MKNK1: variants seen among roughly 807,000 people sequenced by gnomAD.
MKNK1 encodes MAPK interacting serine/threonine kinase 1.
Under a neutral mutation model 49.3 loss-of-function variants are expected in MKNK1, and 30 were observed. That is an observed-to-expected ratio of 0.61 (90% confidence interval 0.46 to 0.83). The LOEUF (loss-of-function observed/expected upper bound fraction) is 0.83, where lower values mean the gene tolerates loss of function less well. Ranked by LOEUF, MKNK1 falls within the 40% of genes least tolerant of loss-of-function variation. MKNK1 has a pLI of 0.00. For synonymous variants in MKNK1, 176 were observed against 201.7 expected (o/e 0.87, Z 1.08); for missense variants, 423 against 524.7 (o/e 0.81, Z 1.89).
chr1:46,561,591 C>T lies in MKNK1; in HGVS notation c.856G>A (p.Asp286Asn). ...QEGKYEFPDK[D>N]WAHISSEAKD... Reference sequence around the variant, plus strand: ...GCTTCACTGGAGATGTGTGCCCAGTCCTTGTCAGGAAACTCATACTTGCCT... The same window carrying T: ...GCTTCACTGGAGATGTGTGCCCAGTTCTTGTCAGGAAACTCATACTTGCCT... Residue 286 changes from aspartate (D) to asparagine (N), a missense_variant, in exon 11 of 13, where the codon GAC (aspartate) becomes AAC (asparagine). By Grantham distance (23) the Asp-to-Asn change is conservative. Transcript: ENST00000371945. 6.2e-7 allele frequency: 1 copy of T among 1,614,178 alleles called. No homozygotes were observed. The highest frequency in any genetic ancestry group is 8.5e-7 in the Non-Finnish European group (1 of 1,180,004).
chr1:46,586,927 C>T (rs755286440), intron 2 of MKNK1, among the ~76,000 whole-genome samples: 17 of 152,208 alleles, frequency 1.1e-4, no homozygotes, highest in Non-Finnish European at 2.4e-4. Context: ...CCTGCCTCAG[C>T]CTCCAGAGTA....
chr1:46,595,028 T>C (rs1162588812), intron 1 of MKNK1: 5 of 180,086 alleles, frequency 2.8e-5, no homozygotes, highest in African/African-American at 1.2e-4. Flanking sequence ...CTCTCTCTCT[T>C]AGTGGCCAAG....
chr1:46,592,985 G>T lies in MKNK1; in HGVS notation c.-3+1128C>A, dbSNP rs573810766. 5.3e-4 allele frequency among the ~76,000 whole-genome samples: 80 copies of T among 152,112 alleles called. 1 individual carries two copies. The highest frequency in any genetic ancestry group is 7.2e-4 in the Non-Finnish European group (49 of 67,998). On this transcript the variant is annotated intron_variant, in intron 2 of 12. Coordinates refer to ENST00000371945, the MANE Select transcript of MKNK1 (RefSeq NM_001135553.4). ...CCACCGGGGACCTTCAGATGAAGAA[G>T]GGTGACACACAGCCACCAGGGACTA...
intron 3 of MKNK1, among the ~76,000 whole-genome samples, chr1:46,582,373 T>C (rs532017480): frequency 5.3e-5 from 8 of 152,350 alleles, no homozygotes; most frequent in Admixed American, 3.9e-4. Context: ...AATGGACACA[T>C]TGGCATTAGC....
At chr1:46,575,367 A>G (rs917999780) in intron 5 of MKNK1, 35 of 192,164 alleles carry the variant, frequency 1.8e-4, no homozygotes, top group Non-Finnish European at 3.4e-4. Flanking sequence ...GGCTAATAAC[A>G]CTGAATACTA....
At chr1:46,586,208 C>T (rs929751932) in intron 2 of MKNK1, 11 of 310,626 alleles carry the variant, frequency 3.5e-5, no homozygotes, top group South Asian at 8.4e-5. Flanking sequence ...GTGGGACCCC[C>T]GCAGTAAAGC....
In MKNK1 at chr1:46,572,169, T is replaced by C; in HGVS notation, c.353-2A>G. 2 of 1,613,684 alleles carry C rather than the reference T, an allele frequency of 1.2e-6. No homozygotes were observed. Among genetic ancestry groups the C allele is most frequent in the South Asian group, 1.1e-5 (1 of 91,070 alleles). On this transcript the variant is annotated splice_acceptor_variant, in intron 6 of 12. Coordinates refer to ENST00000371945, the MANE Select transcript of MKNK1 (RefSeq NM_001135553.4). LOFTEE classifies it high-confidence loss of function. ...TCTGGATGTGGGCTAAGATGGAACC[T>C]GGGGAGCAGAGGGGACATAGAAGAA...
intron 2 of MKNK1, among the ~76,000 whole-genome samples, chr1:46,587,165 G>A (rs1672690797): frequency 6.6e-6 from 1 of 152,366 alleles, no homozygotes; most frequent in African/African-American, 2.4e-5. Flanking sequence ...TGGGCAATGT[G>A]TCTGTTATTA....
At chr1:46,569,165 C>T (rs1442277645) in intron 7 of MKNK1, 1 of 152,402 alleles carries the variant, frequency 6.6e-6, no homozygotes, top group African/African-American at 2.4e-5. Context: ...TTAAGCAATC[C>T]TCCTCCCTTG....
rs1229204903 is a variant in MKNK1, at chr1:46,589,042, G to A, written c.-3+5071C>T. 6.6e-6 allele frequency among the ~76,000 whole-genome samples: 1 copy of A among 152,224 alleles called. No individual in the cohort carries two copies. Among genetic ancestry groups the A allele is most frequent in the Non-Finnish European group, 1.5e-5 (1 of 68,038 alleles). On this transcript the variant is annotated intron_variant, in intron 2 of 12. Transcript: ENST00000371945. The surrounding 1 kb of genome is among the most constrained non-coding windows in gnomAD (Gnocchi z 4.3). ...GAGGATCAAATAAGAGACTAGAAGT[G>A]AAAGCACCACTGACTTACTCTTCAA...
chr1:46,570,834 T>C (rs1669993250), intron 7 of MKNK1, among the ~76,000 whole-genome samples: 1 of 152,244 alleles, frequency 6.6e-6, no homozygotes, highest in South Asian at 2.1e-4. Context: ...CCATCTATGC[T>C]GCACATATAC....
intron 1 of MKNK1, among the ~76,000 whole-genome samples, chr1:46,603,177 T>C (rs1674973237): frequency 6.6e-6 from 1 of 152,170 alleles, no homozygotes; most frequent in Non-Finnish European, 1.5e-5. Context: ...AGCCCAGCCC[T>C]CTAATGAAGG....
intron 1 of MKNK1, among the ~76,000 whole-genome samples, chr1:46,602,667 A>AGTATT (rs1674891188): frequency 6.6e-6 from 1 of 151,376 alleles, no homozygotes; most frequent in Non-Finnish European, 1.5e-5. Flanking sequence ...AAAGCTCATC[A>AGTATT]GCTATTGTTA....
chr1:46,580,723 C>T (rs894381494), intron 3 of MKNK1, 96 bp from the exon 4 acceptor site: 163 of 803,736 alleles, frequency 2.0e-4, no homozygotes, highest in East Asian at 3.8e-4. Context: ...CCTGATCAGA[C>T]GACACAGGCA....
At chr1:46,600,516 T>G (rs1284629170) in intron 1 of MKNK1, among the ~76,000 whole-genome samples, 2 of 152,252 alleles carry the variant, frequency 1.3e-5, no homozygotes, top group Non-Finnish European at 2.9e-5. Context: ...AATACTCATG[T>G]GGGCTTGTTT....
intron 1 of MKNK1, among the ~76,000 whole-genome samples, chr1:46,602,603 C>T (rs1202907419): frequency 6.6e-6 from 1 of 152,154 alleles, no homozygotes; most frequent in Non-Finnish European, 1.5e-5. Context: ...GAATGTGGTC[C>T]AACACAAATT....
chr1:46,582,554 A>G (rs1671900040), intron 3 of MKNK1, among the ~76,000 whole-genome samples: 1 of 152,224 alleles, frequency 6.6e-6, no homozygotes, highest in Non-Finnish European at 1.5e-5. Context: ...GAAAGAAAAC[A>G]AAACAGATGA....
intron 7 of MKNK1, among the ~76,000 whole-genome samples, chr1:46,571,085 T>C (rs1670039390): frequency 6.6e-6 from 1 of 152,174 alleles, no homozygotes; most frequent in South Asian, 2.1e-4. Flanking sequence ...GTCAAACAGA[T>C]TTATGGAAAT....
At position 46,558,569 on chromosome 1, in the gene MKNK1, A is replaced by C; in HGVS notation, c.*6T>G. On this transcript the variant is annotated 3_prime_UTR_variant, in exon 13 of 13. Transcript: ENST00000371945. ...CCTAGGGCCTATAAGGTGTGACTGG[A>C]GCATTTCAGAGTGCTGTGGGCGGGC... The C allele has an allele frequency of 6.3e-7, 1 of 1,599,340 alleles. No homozygotes were observed.
Sources: allele counts gnomAD v4.1 joint callset (sites outside exome capture counted in the v4.1 genomes callset), GRCh38; gene constraint gnomAD v4.1.1; non-coding constraint Gnocchi (gnomAD v3.1); transcripts MANE v1.5; gene names NCBI Gene and HGNC (gene_info 2026-07-23, HGNC 2026-07-21).